Variants in RBFOX2 observed in about 807,000 individuals in gnomAD.
RBFOX2 encodes the protein RNA binding protein fox-1 homolog 2.
In RBFOX2, 10 loss-of-function variants were observed where a neutral mutation model predicts 49.1. That is an observed-to-expected ratio of 0.20 (90% CI 0.13 to 0.35). The LOEUF (loss-of-function observed/expected upper bound fraction) is 0.35. Among genes scored for constraint, RBFOX2 ranks in the 10% least tolerant of loss-of-function variants. RBFOX2 has a pLI of 1.00. For missense variants in RBFOX2, 323 were observed against 486.9 expected (o/e 0.66, Z 3.17); for synonymous variants, 183 against 187.4 (o/e 0.98, Z 0.19).
chr22:35,848,125 T>C (rs2041451951), intron 1 of RBFOX2, among the ~76,000 whole-genome samples: 1 of 152,180 alleles, frequency 6.6e-6, no homozygotes, highest in African/African-American at 2.4e-5. Flanking sequence ...GTTACTATAA[T>C]TCCCATACTT....
At chr22:35,956,943 C>T (rs1569511260) in intron 1 of RBFOX2, among the ~76,000 whole-genome samples, 1 of 152,164 alleles carries the variant, frequency 6.6e-6, no homozygotes, top group African/African-American at 2.4e-5. Context: ...TCTTTCTCCC[C>T]TTCTTTAACT....
At chr22:35,924,079 T>C (rs2051338773) in intron 1 of RBFOX2, among the ~76,000 whole-genome samples, 1 of 152,176 alleles carries the variant, frequency 6.6e-6, no homozygotes, top group Admixed American at 6.5e-5. Flanking sequence ...CTTAATCCCT[T>C]TGAGCCTTGG....
At chr22:35,813,669 G>A (rs1952386039) in intron 1 of RBFOX2, among the ~76,000 whole-genome samples, 1 of 152,138 alleles carries the variant, frequency 6.6e-6, no homozygotes, top group South Asian at 2.1e-4. Flanking sequence ...TCCCCTATTA[G>A]ATTAAAAGGC....
chr22:35,840,325 G>A (rs1958518038), exon 1 of RBFOX2: 3 of 1,606,424 alleles, frequency 1.9e-6, no homozygotes, highest in Non-Finnish European at 2.5e-6. Flanking sequence ...ATTTAAGGGT[G>A]GGTAATTGAT....
intron 9 of RBFOX2, among the ~76,000 whole-genome samples, chr22:35,758,711 T>C (rs1298055629): frequency 1.3e-5 from 2 of 152,206 alleles, no homozygotes; most frequent in Non-Finnish European, 2.9e-5. Context: ...TCTGAAGCAG[T>C]TCCCTTCCAG....
At chr22:36,011,563 G>A (rs540208296) in intron 1 of RBFOX2, among the ~76,000 whole-genome samples, 12 of 152,022 alleles carry the variant, frequency 7.9e-5, no homozygotes, top group Non-Finnish European at 1.8e-4. Context: ...AGAATAGTAC[G>A]CATACTGTCA....
At chr22:35,832,759 G>C (rs1015481020) in intron 1 of RBFOX2, among the ~76,000 whole-genome samples, 3 of 152,140 alleles carry the variant, frequency 2.0e-5, no homozygotes, top group African/African-American at 7.2e-5. Context: ...TTGAACCCAG[G>C]AGGCGCAGAT....
chr22:35,879,688 A>G (rs1357818428), intron 1 of RBFOX2, among the ~76,000 whole-genome samples: 1 of 152,248 alleles, frequency 6.6e-6, no homozygotes, highest in East Asian at 1.9e-4. Context: ...CTTCTGAGCG[A>G]AACACATCAG....
At chr22:35,784,357 C>T (rs1366881190) in intron 2 of RBFOX2, among the ~76,000 whole-genome samples, 1 of 152,224 alleles carries the variant, frequency 6.6e-6, no homozygotes, top group Non-Finnish European at 1.5e-5. Context: ...GGCAAGAACT[C>T]AGGTTCCCAC....
At position 35,805,289 on chromosome 22, in the gene RBFOX2, C is replaced by CAAAAA. The variant is rs748086413; in HGVS notation, c.252+4486_252+4490dup. Among the ~76,000 whole-genome samples the CAAAAA allele has an allele frequency of 1.6e-4, 6 of 37,878 alleles. No homozygotes were observed. The South Asian group carries it at 3.6e-3, about 23-fold the overall frequency. 24.8% of individuals were successfully genotyped at this position (37,878 alleles called of 152,430 possible). A position where few individuals can be genotyped will look rare whatever the true frequency, so the allele number is the denominator to read the frequency against. On this transcript the variant is annotated intron_variant, in intron 2 of 11. Transcript: ENST00000405409. The stretch of plus-strand genomic sequence containing the variant: ...TGGGCGACAGAGCGAGACTCCGTCT[C>CAAAAA]AAAAAAAAAAAAAAAAAAAAAAAAG...
chr22:35,810,960 C>A (rs1201502899), intron 1 of RBFOX2, among the ~76,000 whole-genome samples: 2 of 151,982 alleles, frequency 1.3e-5, no homozygotes, highest in Admixed American at 6.6e-5. Flanking sequence ...TAAGGGGAAG[C>A]CAATATTCTG....
chr22:35,796,542 T>G (rs2147735490), intron 2 of RBFOX2, among the ~76,000 whole-genome samples: 1 of 152,330 alleles, frequency 6.6e-6, no homozygotes, highest in Middle Eastern at 3.4e-3. Context: ...CTGTGGAGTC[T>G]TCTTTGATAA....
intron 1 of RBFOX2, among the ~76,000 whole-genome samples, chr22:35,974,798 T>C (rs576985730): frequency 2.0e-4 from 30 of 152,300 alleles, no homozygotes; most frequent in African/African-American, 7.0e-4. Flanking sequence ...CTCATCTTAT[T>C]GCCCTCATCT....
At chr22:35,756,316 C>T (rs938111232) in intron 9 of RBFOX2, among the ~76,000 whole-genome samples, 172 bp from the exon 11 acceptor site, 4 of 152,030 alleles carry the variant, frequency 2.6e-5, no homozygotes, top group African/African-American at 7.2e-5. Context: ...AAAGTGCACA[C>T]GAAGGTTACA....
At chr22:35,929,655 T>A (rs1031429776) in intron 1 of RBFOX2, among the ~76,000 whole-genome samples, 2 of 152,130 alleles carry the variant, frequency 1.3e-5, no homozygotes, top group Non-Finnish European at 2.9e-5. Flanking sequence ...AGCGACCATT[T>A]TTTTTGTTTT....
intron 1 of RBFOX2, among the ~76,000 whole-genome samples, chr22:35,862,226 T>A (rs1013284685): frequency 6.6e-6 from 1 of 152,176 alleles, no homozygotes; most frequent in Non-Finnish European, 1.5e-5. Flanking sequence ...CACGGGTATA[T>A]ACATATGCCA....
intron 1 of RBFOX2, 143 bp from the exon 3 acceptor site, chr22:35,810,147 ATAT>A (rs1951572140): frequency 1.4e-6 from 1 of 721,914 alleles, no homozygotes; most frequent in African/African-American, 1.8e-5. Context: ...ATTGGAGAAA[ATAT>A]TATTACACAT....
chr22:36,000,035 T>C (rs1322784913), intron 1 of RBFOX2: 1 of 148,512 alleles, frequency 6.7e-6, no homozygotes, highest in Non-Finnish European at 1.5e-5. Flanking sequence ...AGTCTCACTC[T>C]TGTTGCCCTG....
chr22:35,801,426 C>T (rs985012720), intron 2 of RBFOX2, among the ~76,000 whole-genome samples: 2 of 138,976 alleles, frequency 1.4e-5, no homozygotes, highest in African/African-American at 3.0e-5. Flanking sequence ...ATATACAACA[C>T]ATACACACAC....
Sources: allele counts gnomAD v4.1 joint callset (sites outside exome capture counted in the v4.1 genomes callset), GRCh38; gene constraint gnomAD v4.1.1; transcripts MANE v1.5; gene names NCBI Gene and HGNC (gene_info 2026-07-23, HGNC 2026-07-21).